FLG: variants seen among roughly 807,000 people sequenced by gnomAD.
FLG encodes the protein filaggrin.
A neutral mutation model predicts 3.8 loss-of-function variants in FLG; 6 were observed. The ratio of observed to expected loss-of-function variants is 1.60; its 90% CI spans 0.87 to 3.15. The LOEUF is 3.15. Ranked by LOEUF, FLG falls within the 30% of genes most tolerant of loss-of-function variation. The pLI, the probability that FLG is intolerant of heterozygous loss-of-function variation, is 0.00. For synonymous variants in FLG, 2,551 were observed against 1,931.6 expected (o/e 1.32, Z -8.41); for missense variants, 7,595 against 5,050.9 (o/e 1.50, Z -15.27).
In FLG at chr1:152,305,845, C is replaced by T. The variant is rs1222155585; in HGVS notation, c.9041G>A (p.Ser3014Asn). The T allele has an allele frequency of 1.9e-6, 2 of 1,078,508 alleles. No homozygotes were observed. Among genetic ancestry groups the T allele is most frequent in the Non-Finnish European group, 1.3e-6 (1 of 778,678 alleles). The allele number at this position is 1,078,508 out of a possible 1,614,324, so 66.8% of individuals were successfully genotyped here. ...ATGTCCCTCATTGTCACTGGCCTGA[C>T]TACCACTGTACCCTCGGTGTCCACT... is the stretch of plus-strand genomic sequence containing the variant. ...RDSGHRGYSG[S>N]QASDNEGHSE... The change falls in exon 3 of 3, where the codon AGT (serine) becomes AAT (asparagine). Residue 3014 changes from serine to asparagine, a missense_variant. Ser to Asn is a conservative substitution (Grantham distance 46). Coordinates refer to ENST00000368799, the MANE Select transcript of FLG (RefSeq NM_002016.2).
At position 152,314,167 on chromosome 1, in the gene FLG, T is replaced by A. The variant is rs1377992469; in HGVS notation, c.719A>T (p.Gln240Leu). 2.5e-6 allele frequency: 4 copies of A among 1,614,220 alleles called. No homozygotes were observed. Among genetic ancestry groups the A allele is most frequent in the South Asian group, 1.1e-5 (1 of 91,086 alleles). Residue 240 changes from glutamine (Q) to leucine (L), a missense_variant, in exon 3 of 3, where the codon CAG becomes CTG. Transcript: ENST00000368799. ...ATCAGTGGTGTCATAGGCTTCATCC[T>A]GGATTGTGTAATATGTGGCAATATG... ...SGHIATYYTI[Q>L]DEAYDTTDSL...
At chr1:152,318,419 C>CT (rs1362432352) in intron 1 of FLG, among the ~76,000 whole-genome samples, 3 of 151,852 alleles carry the variant, frequency 2.0e-5, no homozygotes, top group Admixed American at 1.3e-4. Context: ...TTAATGGAGT[C>CT]TTTTTTTCTT....
Position 152,314,342 on chromosome 1 carries a change from T to C in FLG, c.544A>G (p.Lys182Glu). The C allele has an allele frequency of 6.2e-7, 1 of 1,613,004 alleles. No individual in the cohort carries two copies. Among genetic ancestry groups the C allele is most frequent in the South Asian group, 1.1e-5 (1 of 90,988 alleles). ...TTTTCAGTCTTGTTTTTCTCTTTTT[T>C]ACTTGAGTTATGATGGTTTTTTCCA... is the stretch of plus-strand genomic sequence containing the variant. ...EYGKNHHNSS[K>E]KEKNKTENTR... is the part of the protein sequence containing the mutation. The change falls in exon 3 of 3, where the codon AAA becomes GAA. Residue 182 changes from lysine to glutamate, a missense_variant. Physicochemically the swap from Lys to Glu is moderately conservative, Grantham distance 56 (BLOSUM62 1). Coordinates refer to ENST00000368799, the MANE Select transcript of FLG (RefSeq NM_002016.2).
rs111373725 is a variant in FLG, at chr1:152,314,942, A to G, written c.139-195T>C. 5.9e-4 allele frequency: 362 copies of G among 613,532 alleles called. 6 individuals are homozygous for G. The highest frequency in any genetic ancestry group is 5.1e-3 in the African/African-American group (274 of 54,208). The allele number at this position is 613,532 out of a possible 1,614,324, so 38.0% of individuals were successfully genotyped here. ...GAACAAAGATGTAGACTAGTAAGGT[A>G]TCAAGATTTGATGGGGTAAGTGACT... On this transcript the variant is annotated intron_variant, in intron 2 of 2. Coordinates refer to ENST00000368799, the MANE Select transcript of FLG (RefSeq NM_002016.2).
chr1:152,318,354 C>G (rs957502236), intron 1 of FLG, among the ~76,000 whole-genome samples: 1 of 151,956 alleles, frequency 6.6e-6, no homozygotes, highest in African/African-American at 2.4e-5. Context: ...ATTACCTCAT[C>G]ATCATCATCT....
Position 152,304,227 on chromosome 1 carries a change from C to A in FLG, c.10659G>T (p.Glu3553Asp). The A allele has an allele frequency of 6.2e-7, 1 of 1,613,004 alleles. No homozygotes were observed. Among genetic ancestry groups the A allele is most frequent in the South Asian group, 1.1e-5 (1 of 90,932 alleles). The change falls in exon 3 of 3, where the codon GAG (glutamate) becomes GAT (aspartate). Residue 3553 changes from glutamate to aspartate, a missense_variant. Glu to Asp is a conservative substitution (Grantham distance 45). Coordinates refer to ENST00000368799, the MANE Select transcript of FLG (RefSeq NM_002016.2). ...TTCTGGAAGCAGACCCAGACCACCT[C>A]TCAGAGTCTTCTGAGTGTCCCTGAC... ...SDSQGHSEDS[E>D]RWSGSASRNH...
chr1:152,307,951 C>G lies in FLG; in HGVS notation c.6935G>C (p.Gly2312Ala), dbSNP rs1210139252. Residue 2312 changes from glycine (G) to alanine (A), a missense_variant, in exon 3 of 3, where the codon GGT becomes GCT. Physicochemically the swap from Gly to Ala is moderately conservative, Grantham distance 60 (BLOSUM62 0). Transcript: ENST00000368799. ...SGTHHAENSS[G>A]GQAASSHEQA... Reference sequence around the variant, plus strand: ...TTCATGGGATGATGCAGCCTGTCCACCAGAGGAATTCTCTGCATGATGAGT... The same window carrying G: ...TTCATGGGATGATGCAGCCTGTCCAGCAGAGGAATTCTCTGCATGATGAGT... The G allele has an allele frequency of 3.7e-6, 6 of 1,614,124 alleles. No individual in the cohort carries two copies. The African/African-American group carries it at 6.7e-5, about 18-fold the overall frequency.
At chr1:152,319,090 T>C (rs1015751015) in intron 1 of FLG, among the ~76,000 whole-genome samples, 8 of 151,498 alleles carry the variant, frequency 5.3e-5, no homozygotes, top group East Asian at 1.9e-4. Flanking sequence ...AGTTAGAAAA[T>C]TGTGGACAAA....
chr1:152,323,589 T>C (rs1653049628), intron 1 of FLG, among the ~76,000 whole-genome samples: 1 of 151,520 alleles, frequency 6.6e-6, no homozygotes, highest in Non-Finnish European at 1.5e-5. Context: ...GTGTGAGACC[T>C]CAATACACCC....
chr1:152,322,537 G>C (rs1653015890), intron 1 of FLG, among the ~76,000 whole-genome samples: 1 of 150,530 alleles, frequency 6.6e-6, no homozygotes, highest in South Asian at 2.1e-4. Context: ...AAAAATTTTA[G>C]GAATAAATCT....
rs548067706 is a variant in FLG, at chr1:152,302,639, G to C, written c.*61C>G. 4 of 1,593,980 alleles carry C rather than the reference G, an allele frequency of 2.5e-6. No homozygotes were observed. The Admixed American group carries it at 5.2e-5, about 21-fold the overall frequency. ...CCCTGAAAGTATTATGAAGTTTCTTGATTGAAAGTGAACTTGCTTCATTCT... is the reference window on the plus strand; with the variant it reads ...CCCTGAAAGTATTATGAAGTTTCTTCATTGAAAGTGAACTTGCTTCATTCT... On this transcript the variant is annotated 3_prime_UTR_variant, in exon 3 of 3. Transcript: ENST00000368799.
chr1:152,321,073 C>T (rs938740500), intron 1 of FLG, among the ~76,000 whole-genome samples: 1 of 150,632 alleles, frequency 6.6e-6, no homozygotes. Context: ...TACACACACA[C>T]ATATATACAT....
In FLG at chr1:152,310,094, T is replaced by A; in HGVS notation, c.4792A>T (p.Arg1598Trp). Residue 1598 changes from arginine to tryptophan, a missense_variant, in exon 3 of 3, where the codon AGG becomes TGG. Transcript: ENST00000368799. ...RRQGSSVSQDRDSEGHSEDSE... is the reference protein window; with the variant it reads ...RRQGSSVSQDWDSEGHSEDSE... ...TCTTCTGAGTGTCCCTCACTGTCCC[T>A]GTCCTGACTAACACTGGATCCCTGG... 1 of 1,614,034 alleles carries A rather than the reference T, an allele frequency of 6.2e-7. No homozygotes were observed. Among genetic ancestry groups the A allele is most frequent in the Non-Finnish European group, 8.5e-7 (1 of 1,179,988 alleles).
chr1:152,314,826 A>C (rs1570916825), intron 2 of FLG, 79 bp from the exon 3 acceptor site: 1 of 1,579,002 alleles, frequency 6.3e-7, no homozygotes, highest in East Asian at 2.2e-5. Flanking sequence ...AGTTAATTTA[A>C]GGAACCTGAT....
intron 1 of FLG, 25 bp from the exon 2 acceptor site, chr1:152,315,502 C>CT (rs764545653): frequency 1.3e-6 from 2 of 1,536,568 alleles, no homozygotes; most frequent in Non-Finnish European, 1.8e-6. Context: ...TGAAAATGCA[C>CT]TTTTTTATAC....
rs199934387 is a variant in FLG at position 152,311,489 on chromosome 1, G to A, written c.3397C>T (p.Arg1133Trp). The A allele has an allele frequency of 2.5e-4, 404 of 1,613,780 alleles. 3 individuals are homozygous for A. In the East Asian group the frequency reaches 6.4e-3, roughly 26 times the overall value. Reference sequence around the variant, plus strand: ...CTTCGTCCAGTGCTGGTCCTGGTCCGCCCATGGGCAGACTCAGACTGTTCA... The same window carrying A: ...CTTCGTCCAGTGCTGGTCCTGGTCCACCCATGGGCAGACTCAGACTGTTCA... ...THEQSESAHG[R>W]TRTSTGRRQG... The change falls in exon 3 of 3, where the codon CGG (arginine) becomes TGG (tryptophan). Residue 1133 changes from arginine (R) to tryptophan (W), a missense_variant. Transcript: ENST00000368799.
intron 1 of FLG, among the ~76,000 whole-genome samples, chr1:152,317,476 C>T (rs532521088): frequency 6.6e-6 from 1 of 152,056 alleles, no homozygotes; most frequent in Non-Finnish European, 1.5e-5. Context: ...TTACATATTA[C>T]TTGACATATC....
rs150496930 is a variant in FLG, at chr1:152,303,334, G to T, written c.11552C>A (p.Ala3851Glu). The T allele has an allele frequency of 8.7e-6, 14 of 1,613,926 alleles. No homozygotes were observed. The highest frequency in any genetic ancestry group is 2.2e-5 in the East Asian group (1 of 44,876). The change falls in exon 3 of 3, where the codon GCG becomes GAG. Residue 3851 changes from alanine (A) to glutamate (E), a missense_variant. Physicochemically the swap from Ala to Glu is moderately radical, Grantham distance 107 (BLOSUM62 -1). Transcript: ENST00000368799. The part of the protein sequence containing the change: ...RHSQSGQGES[A>E]GSRRSRRQGS... ...CTGGCGCCTGCTTCTCCTGGACCCC[G>T]CTGATTCACCCTGGCCGGACTGTGA...
rs777181377 is a variant in FLG, at chr1:152,312,668, G to A, written c.2218C>T (p.Arg740Ter). 3.0e-5 allele frequency: 48 copies of A among 1,613,702 alleles called. No individual in the cohort carries two copies. Among genetic ancestry groups the A allele is most frequent in the South Asian group, 1.2e-4 (11 of 91,068 alleles). Residue 740 changes from arginine to a stop codon, truncating the protein, a stop_gained, in exon 3 of 3, where the codon CGA becomes TGA. Transcript: ENST00000368799. LOFTEE classifies it low-confidence loss of function (END_TRUNC). ...GTGGCCTGACTACCACTGGACCCTC[G>A]GTGTCCACTGTCTCTGACTGCAGAT... ...ASSAVRDSGHRGSSGSQATDS... is the reference protein window; with the variant it reads ...ASSAVRDSGH
Sources: gnomAD v4.1 joint callset for allele counts (sites outside exome capture counted in the v4.1 genomes callset) on GRCh38, gnomAD v4.1.1 for gene constraint, MANE v1.5 for transcripts, NCBI Gene and HGNC (gene_info 2026-07-23, HGNC 2026-07-21) for gene names.